Variants in GUCY2D observed in about 807,000 individuals in gnomAD.
The protein encoded by GUCY2D is retinal guanylyl cyclase 1.
Under a neutral mutation model 101.3 loss-of-function variants are expected in GUCY2D, and 70 were observed. The ratio of observed to expected loss-of-function variants is 0.69; its 90% CI spans 0.57 to 0.84. GUCY2D has a LOEUF of 0.84. Among genes scored for constraint, GUCY2D ranks in the 40% least tolerant of loss-of-function variants. The probability of loss-of-function intolerance (pLI) is 0.00; values close to 1 mark genes in which losing one functional copy is unlikely to be tolerated. For synonymous variants in GUCY2D, 688 were observed against 670.7 expected, an observed-to-expected ratio of 1.03 and a Z score of -0.40; for missense variants, 1,460 against 1,542.5, an observed-to-expected ratio of 0.95 and a Z score of 0.90.
chr17:8,005,342 G>C (rs1975717331), intron 3 of GUCY2D, among the ~76,000 whole-genome samples: 1 of 152,134 alleles, frequency 6.6e-6, no homozygotes, highest in African/African-American at 2.4e-5. Context: ...AAATCTGACA[G>C]ATCTCACCCT....
At chr17:8,012,648 A>G (rs755519877) in intron 10 of GUCY2D, 42 bp downstream of exon 10, 2 of 1,543,628 alleles carry the variant, frequency 1.3e-6, no homozygotes, top group South Asian at 1.1e-5. Flanking sequence ...CGGGATCCCC[A>G]TTATTTCAAG....
intron 8 of GUCY2D, among the ~76,000 whole-genome samples, chr17:8,009,958 A>AC (rs1975818035): frequency 6.6e-6 from 1 of 151,746 alleles, no homozygotes; most frequent in South Asian, 2.1e-4. Flanking sequence ...AGCCTGGGTG[A>AC]CAGAGCAAGA....
intron 7 of GUCY2D, among the ~76,000 whole-genome samples, chr17:8,008,515 G>A (rs1335147847): frequency 1.3e-5 from 2 of 152,314 alleles, no homozygotes; most frequent in South Asian, 2.1e-4. Context: ...ATCTGAATGC[G>A]GTCAAGTGGA....
In GUCY2D at chr17:8,013,563, T is replaced by G; in HGVS notation, c.2263+311T>G. On this transcript the variant is annotated intron_variant, in intron 11 of 19. Coordinates refer to ENST00000254854, the MANE Select transcript of GUCY2D (RefSeq NM_000180.4). The surrounding 1 kb of genome is among the most constrained non-coding windows in gnomAD (Gnocchi z 5.0). ...CCTGGGAGGAGCAGGGGAGGGGGAGTGGGTGCATCCCTTCTGCACAGGACT... is the reference window on the plus strand; with the variant it reads ...CCTGGGAGGAGCAGGGGAGGGGGAGGGGGTGCATCCCTTCTGCACAGGACT... The G allele has an allele frequency of 1.7e-6, 1 of 573,108 alleles. No individual in the cohort carries two copies. Among genetic ancestry groups the G allele is most frequent in the South Asian group, 2.0e-5 (1 of 48,904 alleles). The allele number at this position is 573,108 out of a possible 1,614,324, so 35.5% of individuals were successfully genotyped here. A position where few individuals can be genotyped will look rare whatever the true frequency, so the allele number is the denominator to read the frequency against.
chr17:8,005,663 A>G (rs1192892044), intron 3 of GUCY2D, among the ~76,000 whole-genome samples: 1 of 152,198 alleles, frequency 6.6e-6, no homozygotes, highest in Non-Finnish European at 1.5e-5. Context: ...CTGTCTCTGC[A>G]GCTCCCTCAG....
rs367755752 is a variant in GUCY2D, at chr17:8,012,639, G to A, written c.2113+33G>A. 4.2e-5 allele frequency: 66 copies of A among 1,569,590 alleles called. No individual in the cohort carries two copies. In the Middle Eastern group the frequency reaches 6.8e-4, roughly 16 times the overall value. The stretch of plus-strand genomic sequence containing the variant: ...TCCCCTGTGCAGACGAGGATCCACC[G>A]GGATCCCCATTATTTCAAGGGCTTC... On this transcript the variant is annotated intron_variant, in intron 10 of 19. Transcript: ENST00000254854.
chr17:8,013,356 CAAT>C lies in GUCY2D; in HGVS notation c.2263+105_2263+107del. 8.6e-7 allele frequency: 1 copy of C among 1,164,250 alleles called. No homozygotes were observed. The highest frequency in any genetic ancestry group is 1.3e-6 in the Non-Finnish European group (1 of 797,244). 72.1% of individuals were successfully genotyped at this position (1,164,250 alleles called of 1,614,324 possible). On this transcript the variant is annotated intron_variant, in intron 11 of 19. Transcript: ENST00000254854. This position sits in a 1 kb window ranked among gnomAD's most constrained non-coding sequence, Gnocchi z 5.0. ...TAAAGCAAAGCCCAGTGATGAAACT[CAAT>C]TATACGGAGGCCCCCTTAAAGCTGG...
At chr17:8,009,128 T>G (rs1355190186) in intron 7 of GUCY2D, among the ~76,000 whole-genome samples, 1 of 152,218 alleles carries the variant, frequency 6.6e-6, no homozygotes, top group East Asian at 1.9e-4. Flanking sequence ...CAGTTAGTTT[T>G]CAATAAAGCC....
At position 8,015,910 on chromosome 17, in the gene GUCY2D, G is replaced by A. The variant is rs1975961847; in HGVS notation, c.3044-17G>A. 3.7e-6 allele frequency: 6 copies of A among 1,600,286 alleles called. No homozygotes were observed. Among genetic ancestry groups the A allele is most frequent in the Admixed American group, 1.7e-5 (1 of 58,398 alleles). On this transcript the variant is annotated splice_polypyrimidine_tract_variant and intron_variant, in intron 16 of 19. Transcript: ENST00000254854. ...GGGAGGTGAGTCCCGAGCTCACGGC[G>A]TCCCCCACCGCCACAGCTTACCGCA...
At chr17:8,007,831 C>A in intron 6 of GUCY2D, 100 bp from the exon 7 acceptor site, 2 of 753,516 alleles carry the variant, frequency 2.7e-6, no homozygotes, top group Non-Finnish European at 4.8e-6. Flanking sequence ...GAGATTCCTT[C>A]GCCTCCCATC....
rs892541188 is a variant in GUCY2D, at chr17:8,013,562, G to C, written c.2263+310G>C. ...CCCTGGGAGGAGCAGGGGAGGGGGAGTGGGTGCATCCCTTCTGCACAGGAC... is the reference window on the plus strand; with the variant it reads ...CCCTGGGAGGAGCAGGGGAGGGGGACTGGGTGCATCCCTTCTGCACAGGAC... On this transcript the variant is annotated intron_variant, in intron 11 of 19. Coordinates refer to ENST00000254854, the MANE Select transcript of GUCY2D (RefSeq NM_000180.4). The surrounding 1 kb of genome is among the most constrained non-coding windows in gnomAD (Gnocchi z 5.0). 3.7e-5 allele frequency: 21 copies of C among 575,058 alleles called. No homozygotes were observed. Among genetic ancestry groups the C allele is most frequent in the Middle Eastern group, 8.8e-4 (2 of 2,278 alleles). 35.6% of individuals were successfully genotyped at this position (575,058 alleles called of 1,614,324 possible). A position where few individuals can be genotyped will look rare whatever the true frequency, so the allele number is the denominator to read the frequency against.
In GUCY2D at chr17:8,007,701, G is replaced by A. The variant is rs115598390; in HGVS notation, c.1566+173G>A. Among the ~76,000 whole-genome samples, 408 of 152,292 alleles carry A rather than the reference G, an allele frequency of 2.7e-3. 1 individual carries two copies. The highest frequency in any genetic ancestry group is 9.4e-3 in the African/African-American group (390 of 41,544). ...CCTCATCTGTGCAATGAGGGTAACA[G>A]TACCTGTCCTGACTACTTTCCTGGC... On this transcript the variant is annotated intron_variant, in intron 6 of 19. Coordinates refer to ENST00000254854, the MANE Select transcript of GUCY2D (RefSeq NM_000180.4).
Position 8,002,774 on chromosome 17 carries a change from T to G in GUCY2D, c.-10+40T>G. 2 of 467,590 alleles carry G rather than the reference T, an allele frequency of 4.3e-6. No homozygotes were observed. Among genetic ancestry groups the G allele is most frequent in the Non-Finnish European group, 7.5e-6 (2 of 265,120 alleles). The allele number at this position is 467,590 out of a possible 1,614,324, so 29.0% of individuals were successfully genotyped here. ...CCCCTCCGCTGGGATAGGGTCGGTC[T>G]GAGGGCGCAGGCGAGTCCCTGCTGA... On this transcript the variant is annotated intron_variant, in intron 1 of 19. Transcript: ENST00000254854. The surrounding 1 kb of genome is among the most constrained non-coding windows in gnomAD (Gnocchi z 4.9).
At position 8,006,428 on chromosome 17, in the gene GUCY2D, G is replaced by A; in HGVS notation, c.1092G>A (p.Ala364=). 1.2e-6 allele frequency: 2 copies of A among 1,603,348 alleles called. No homozygotes were observed. Among genetic ancestry groups the A allele is most frequent in the Non-Finnish European group, 1.7e-6 (2 of 1,179,968 alleles). The change falls in exon 4 of 20, where the codon GCG becomes GCA. Residue 364 remains alanine, a synonymous_variant. Coordinates refer to ENST00000254854, the MANE Select transcript of GUCY2D (RefSeq NM_000180.4). Reference sequence around the variant, plus strand: ...TGCTGGCAAGGGGCGTGGCAGAAGCGCGGGCTGCCGCAGGTGGCAGATGGG... The same window carrying A: ...TGCTGGCAAGGGGCGTGGCAGAAGCACGGGCTGCCGCAGGTGGCAGATGGG... ...VFLLARGVAE[A]RAAAGGRWVS... is the part of the protein sequence containing the mutation.
At chr17:8,009,458 T>C (rs374800328) in intron 7 of GUCY2D, 48 bp from the exon 8 acceptor site, 4 of 1,199,272 alleles carry the variant, frequency 3.3e-6, no homozygotes, top group Non-Finnish European at 5.0e-6. Context: ...CTCCCCATCG[T>C]GGGATTTTAA....
intron 3 of GUCY2D, among the ~76,000 whole-genome samples, chr17:8,005,186 C>A (rs1037648417): frequency 6.6e-6 from 1 of 152,164 alleles, no homozygotes; most frequent in Admixed American, 6.5e-5. Flanking sequence ...AAAGATCATT[C>A]GAATTCATCC....
At chr17:8,006,156 GTGGGGAGGGAGGAAGAGAGAGCCAA>G (rs983484926) in intron 3 of GUCY2D, among the ~76,000 whole-genome samples, 182 bp from the exon 4 acceptor site, 1 of 151,328 alleles carries the variant, frequency 6.6e-6, no homozygotes, top group Non-Finnish European at 1.5e-5. Flanking sequence ...GAGAGAGCCA[GTGGGGAGGGAGGAAGAGAGAGCCAA>G]TGGGGAGGGA....
Position 8,013,068 on chromosome 17 carries a change from C to T in GUCY2D, c.2114-35C>T. On this transcript the variant is annotated intron_variant, in intron 10 of 19. Transcript: ENST00000254854. This position sits in a 1 kb window ranked among gnomAD's most constrained non-coding sequence, Gnocchi z 5.0. ...CTTTCTGGTGAGGGTGGGAGTCTTT[C>T]CCCAGCGGCGCCTCAGCCCCTTCCC... The T allele has an allele frequency of 6.2e-7, 1 of 1,600,416 alleles. No homozygotes were observed. Among genetic ancestry groups the T allele is most frequent in the Non-Finnish European group, 8.5e-7 (1 of 1,173,672 alleles).
At position 8,017,629 on chromosome 17, in the gene GUCY2D, C is replaced by T. The variant is rs372543612; in HGVS notation, c.*24+1075C>T. Among the ~76,000 whole-genome samples the T allele has an allele frequency of 2.2e-4, 34 of 152,312 alleles. No homozygotes were observed. In the South Asian group the frequency reaches 2.3e-3, roughly 10 times the overall value. On this transcript the variant is annotated intron_variant, in intron 19 of 19. Coordinates refer to ENST00000254854, the MANE Select transcript of GUCY2D (RefSeq NM_000180.4). Reference sequence around the variant, plus strand: ...TTGACTGACCAGAACATCCAAAGAGCGGCATTCTCTGTTTAACTAGGAGCT... The same window carrying T: ...TTGACTGACCAGAACATCCAAAGAGTGGCATTCTCTGTTTAACTAGGAGCT...
Sources: gnomAD v4.1 joint callset for allele counts (sites outside exome capture counted in the v4.1 genomes callset) on GRCh38, gnomAD v4.1.1 for gene constraint, Gnocchi (gnomAD v3.1) non-coding constraint, MANE v1.5 for transcripts, NCBI Gene and HGNC (gene_info 2026-07-23, HGNC 2026-07-21) for gene names.